The following RRM2 variants were observed in gnomAD, a reference collection of about 807,000 sequenced individuals.
RRM2 encodes the protein ribonucleoside-diphosphate reductase subunit M2.
RRM2 carries 6 observed loss-of-function variants against 45.9 expected under a neutral mutation model. The ratio of observed to expected loss-of-function variants is 0.13; its 90% CI spans 0.07 to 0.26. The LOEUF (loss-of-function observed/expected upper bound fraction) is 0.26, where lower values mean the gene tolerates loss of function less well. Ranked by LOEUF, RRM2 falls within the 10% of genes least tolerant of loss-of-function variation. RRM2 has a pLI of 1.00. For synonymous variants in RRM2, 177 were observed against 173.0 expected (o/e 1.02, Z -0.18); for missense variants, 343 against 489.5 (o/e 0.70, Z 2.82).
At position 10,176,815 on chromosome 2, in the gene RRM2, G is replaced by A. The variant is rs376592290; in HGVS notation, n.483-33496G>A. On this transcript the variant is annotated intron_variant and non_coding_transcript_variant, in intron 3 of 3. Coordinates refer to the RRM2 transcript ENST00000381786. The stretch of plus-strand genomic sequence containing the variant: ...ATTATGAATAATGCTGTCATTAACC[G>A]TCTTGTACACATTTTCTGGTGGTCA... Among the ~76,000 whole-genome samples, 91 of 152,254 alleles carry A rather than the reference G, an allele frequency of 6.0e-4. No homozygotes were observed. In the South Asian group the frequency reaches 0.015, roughly 26 times the overall value.
chr2:10,126,840 A>G, intron 5 of RRM2, 35 bp from the exon 6 acceptor site: 1 of 1,540,350 alleles, frequency 6.5e-7, no homozygotes, highest in Non-Finnish European at 8.9e-7. Context: ...TTTTACTGTA[A>G]TGCTTCAATT....
intron 3 of RRM2, among the ~76,000 whole-genome samples, chr2:10,157,117 T>C (rs921103192): frequency 7.5e-6 from 1 of 132,670 alleles, no homozygotes; most frequent in African/African-American, 2.8e-5. Context: ...CAAGCTCCGC[T>C]TCCCAGGTTC....
chr2:10,190,591 T>A (rs1664280438), intron 3 of RRM2, among the ~76,000 whole-genome samples: 1 of 151,234 alleles, frequency 6.6e-6, no homozygotes, highest in Admixed American at 6.6e-5. Flanking sequence ...ATGGTGATGG[T>A]GGTGATGTTG....
chr2:10,159,420 T>G (rs961204481), intron 3 of RRM2, among the ~76,000 whole-genome samples: 1 of 152,232 alleles, frequency 6.6e-6, no homozygotes, highest in Non-Finnish European at 1.5e-5. Context: ...TGTCCACTCC[T>G]GTATCTAATT....
intron 3 of RRM2, among the ~76,000 whole-genome samples, chr2:10,146,823 A>G (rs1361858347): frequency 6.6e-6 from 1 of 152,234 alleles, no homozygotes; most frequent in Non-Finnish European, 1.5e-5. Flanking sequence ...ACAGGTAGTG[A>G]GGAAATGCCT....
At chr2:10,135,011 A>C (rs1662966462), downstream of RRM2, among the ~76,000 whole-genome samples, 2 of 152,256 alleles carry the variant, frequency 1.3e-5, no homozygotes, top group African/African-American at 2.4e-5. Context: ...CGAATGTTTC[A>C]ACGTAAGCCA....
rs1488560806 is a variant in RRM2 at position 10,171,744 on chromosome 2, A to C, written n.482+29369A>C. On this transcript the variant is annotated intron_variant and non_coding_transcript_variant, in intron 3 of 3. Coordinates refer to the RRM2 transcript ENST00000381786. This position sits in a 1 kb window ranked among gnomAD's most constrained non-coding sequence, Gnocchi z 4.1. Reference sequence around the variant, plus strand: ...GCAGGAATGAATCCTACTCAGCTGCAGAATAGTCACAGACACCTCTCCACC... The same window carrying C: ...GCAGGAATGAATCCTACTCAGCTGCCGAATAGTCACAGACACCTCTCCACC... 6.6e-6 allele frequency among the ~76,000 whole-genome samples: 1 copy of C among 152,250 alleles called. No homozygotes were observed. Among genetic ancestry groups the C allele is most frequent in the Non-Finnish European group, 1.5e-5 (1 of 68,038 alleles).
intron 3 of RRM2, among the ~76,000 whole-genome samples, chr2:10,173,856 A>G (rs1004683766): frequency 6.6e-6 from 1 of 152,180 alleles, no homozygotes; most frequent in African/African-American, 2.4e-5. Flanking sequence ...TAGGACCTAG[A>G]TCTGCCTGGG....
intron 3 of RRM2, among the ~76,000 whole-genome samples, chr2:10,192,841 G>A (rs1236650037): frequency 1.3e-5 from 2 of 152,200 alleles, no homozygotes; most frequent in South Asian, 2.1e-4. Flanking sequence ...TCCTCTCCAT[G>A]GCTCAGCTTC....
chr2:10,171,412 G>A lies in RRM2; in HGVS notation n.482+29037G>A, dbSNP rs533389613. Among the ~76,000 whole-genome samples the A allele has an allele frequency of 6.6e-6, 1 of 152,330 alleles. No individual in the cohort carries two copies. The highest frequency in any genetic ancestry group is 2.1e-4 in the South Asian group (1 of 4,828). Reference sequence around the variant, plus strand: ...GCTGCTGCTGTTGTCTGCATCTCCCGCCTTCCTCCTGAGCCGTGCTTCCAG... The same window carrying A: ...GCTGCTGCTGTTGTCTGCATCTCCCACCTTCCTCCTGAGCCGTGCTTCCAG... On this transcript the variant is annotated intron_variant and non_coding_transcript_variant, in intron 3 of 3. Transcript: ENST00000381786. The surrounding 1 kb of genome is among the most constrained non-coding windows in gnomAD (Gnocchi z 4.1).
Position 10,190,208 on chromosome 2 carries a change from G to C in RRM2, n.483-20103G>C, listed in dbSNP as rs564144209. On this transcript the variant is annotated intron_variant and non_coding_transcript_variant, in intron 3 of 3. Coordinates refer to the RRM2 transcript ENST00000381786. ...TGATGGTGGTGGTGGTGGTACTGAT[G>C]ATGGTGGAGATGATAGTGATGGTGA... is the stretch of plus-strand genomic sequence containing the variant. Among the ~76,000 whole-genome samples the C allele has an allele frequency of 2.8e-4, 43 of 151,716 alleles. No homozygotes were observed. In the South Asian group the frequency reaches 7.5e-3, roughly 27 times the overall value.
At chr2:10,149,904 T>A (rs1279259502) in intron 3 of RRM2, among the ~76,000 whole-genome samples, 1 of 152,248 alleles carries the variant, frequency 6.6e-6, no homozygotes, top group Non-Finnish European at 1.5e-5. Context: ...CGTTGGTTGG[T>A]GGGCAGTGTG....
intron 3 of RRM2, among the ~76,000 whole-genome samples, chr2:10,184,091 T>TAAAAAAAA (rs60421650): frequency 0.013 from 404 of 30,666 alleles, 62 homozygotes; most frequent in Non-Finnish European, 0.017. Context: ...AGACTCCATC[T>TAAAAAAAA]AAAAAAAAAA....
chr2:10,136,920 G>C (rs567718990), upstream of RRM2, among the ~76,000 whole-genome samples: 1 of 152,230 alleles, frequency 6.6e-6, no homozygotes, highest in Non-Finnish European at 1.5e-5. Context: ...CATGAGGGTA[G>C]ACCTGTCCAA....
chr2:10,123,589 T>C, intron 3 of RRM2, 59 bp downstream of exon 3: 1 of 1,571,002 alleles, frequency 6.4e-7, no homozygotes, highest in Non-Finnish European at 8.6e-7. Flanking sequence ...CAGACATAAA[T>C]GCACTTGGAG....
At chr2:10,181,037 G>A (rs1415071429) in intron 3 of RRM2, among the ~76,000 whole-genome samples, 1 of 152,164 alleles carries the variant, frequency 6.6e-6, no homozygotes, top group African/African-American at 2.4e-5. Context: ...AAAGTGCTGG[G>A]ATTACAGGTG....
chr2:10,134,012 C>G (rs1662947451), downstream of RRM2, among the ~76,000 whole-genome samples: 1 of 151,842 alleles, frequency 6.6e-6, no homozygotes, highest in Admixed American at 6.6e-5. Context: ...GACCCCATCT[C>G]TACTAAAAAT....
Position 10,126,870 on chromosome 2 carries a change from A to G in RRM2, c.570-5A>G. 1 of 1,611,018 alleles carries G rather than the reference A, an allele frequency of 6.2e-7. No individual in the cohort carries two copies. Among genetic ancestry groups the G allele is most frequent in the Non-Finnish European group, 8.5e-7 (1 of 1,177,838 alleles). On this transcript the variant is annotated splice_polypyrimidine_tract_variant and splice_region_variant and intron_variant, in intron 5 of 9. Coordinates refer to ENST00000304567, the MANE Select transcript of RRM2 (RefSeq NM_001034.4). ...TCAATTGCTGATACCGTATGTGCCT[A>G]CTAGGGAATTTCTCTTCAATGCCAT...
intron 3 of RRM2, chr2:10,192,642 C>T (rs1314115849): frequency 6.5e-6 from 1 of 154,518 alleles, no homozygotes; most frequent in Non-Finnish European, 1.5e-5. Flanking sequence ...TGTTTCCTGT[C>T]TCAGGAACTG....
Sources: allele counts gnomAD v4.1 joint callset (sites outside exome capture counted in the v4.1 genomes callset), GRCh38; gene constraint gnomAD v4.1.1; non-coding constraint Gnocchi (gnomAD v3.1); transcripts MANE v1.5; gene names NCBI Gene and HGNC (gene_info 2026-07-23, HGNC 2026-07-21).